Variants in IPO11 observed in about 807,000 individuals in gnomAD.
The protein encoded by IPO11 is importin 11.
IPO11 carries 66 observed loss-of-function variants against 143.2 expected under a neutral mutation model. That is an observed-to-expected ratio of 0.46 (90% CI 0.38 to 0.57). The LOEUF is 0.57. Among genes scored for constraint, IPO11 ranks in the 20% least tolerant of loss-of-function variants. The pLI, the probability that IPO11 is intolerant of heterozygous loss-of-function variation, is 0.00. For missense variants in IPO11, 1,026 were observed against 1,141.0 expected, an observed-to-expected ratio of 0.90 and a Z score of 1.45; for synonymous variants, 385 against 377.8, an observed-to-expected ratio of 1.02 and a Z score of -0.22.
chr5:62,415,529 C>T (rs958549805), intron 1 of IPO11, among the ~76,000 whole-genome samples: 2 of 137,528 alleles, frequency 1.5e-5, no homozygotes, highest in Non-Finnish European at 3.0e-5. Flanking sequence ...AGTGCAGTGG[C>T]GCGATCTCAA....
At chr5:62,558,714 T>C (rs1220905940) in intron 26 of IPO11, among the ~76,000 whole-genome samples, 2 of 152,226 alleles carry the variant, frequency 1.3e-5, no homozygotes, top group African/African-American at 4.8e-5. Context: ...CGGCATTTTT[T>C]CAATACCATT....
chr5:62,606,154 A>C (rs775609375), intron 29 of IPO11, among the ~76,000 whole-genome samples: 3 of 152,024 alleles, frequency 2.0e-5, no homozygotes, highest in Non-Finnish European at 4.4e-5. Flanking sequence ...CAAGCTAATG[A>C]GCAAATCTGT....
At chr5:62,572,975 A>T (rs1744190747) in intron 27 of IPO11, among the ~76,000 whole-genome samples, 1 of 151,432 alleles carries the variant, frequency 6.6e-6, no homozygotes, top group Admixed American at 6.6e-5. Context: ...GTTACGAAAA[A>T]CCTCCTATCG....
chr5:62,555,091 T>G (rs1198080713), intron 26 of IPO11, among the ~76,000 whole-genome samples: 1 of 152,188 alleles, frequency 6.6e-6, no homozygotes, highest in African/African-American at 2.4e-5. Flanking sequence ...TTTGGCTATT[T>G]GGGATTTTTT....
At chr5:62,530,892 T>C in intron 22 of IPO11, 107 bp downstream of exon 22, 1 of 798,070 alleles carries the variant, frequency 1.3e-6, no homozygotes, top group Admixed American at 2.0e-5. Flanking sequence ...GTTCAACTTC[T>C]AGTTTAGATT....
chr5:62,576,663 GT>G (rs1744323625), intron 27 of IPO11, among the ~76,000 whole-genome samples: 5 of 152,062 alleles, frequency 3.3e-5, no homozygotes, highest in African/African-American at 1.2e-4. Context: ...TGCACCTGCA[GT>G]CCTAGCTACT....
chr5:62,615,904 G>GTTA (rs1428133175), intron 29 of IPO11, among the ~76,000 whole-genome samples: 2 of 152,140 alleles, frequency 1.3e-5, no homozygotes, highest in Non-Finnish European at 2.9e-5. Context: ...AATTTTGTTT[G>GTTA]ATTACATGGC....
chr5:62,462,251 A>T (rs954539847), intron 5 of IPO11, among the ~76,000 whole-genome samples: 2 of 151,332 alleles, frequency 1.3e-5, no homozygotes, highest in African/African-American at 4.8e-5. Context: ...ACAGAATAGA[A>T]TTTTTTTTTA....
chr5:62,553,095 C>A (rs994540257), intron 26 of IPO11, among the ~76,000 whole-genome samples: 2 of 152,010 alleles, frequency 1.3e-5, no homozygotes, highest in African/African-American at 4.8e-5. Flanking sequence ...TAACCAATAT[C>A]TCTCTCTCTC....
intron 3 of IPO11, among the ~76,000 whole-genome samples, chr5:62,445,593 A>G (rs945545321): frequency 6.6e-6 from 1 of 152,100 alleles, no homozygotes; most frequent in African/African-American, 2.4e-5. Context: ...TTCACTTTCA[A>G]TACAGTATTT....
At chr5:62,568,112 C>A (rs1696052109) in intron 27 of IPO11, among the ~76,000 whole-genome samples, 1 of 151,626 alleles carries the variant, frequency 6.6e-6, no homozygotes, top group African/African-American at 2.4e-5. Context: ...ACTACAGGTG[C>A]ATACCACCAC....
chr5:62,524,374 T>C (rs1326796587), intron 20 of IPO11, among the ~76,000 whole-genome samples: 1 of 152,184 alleles, frequency 6.6e-6, no homozygotes, highest in East Asian at 1.9e-4. Context: ...TAGCGATTGC[T>C]TACGTTAGTT....
chr5:62,419,427 C>T (rs1224992237), intron 1 of IPO11, among the ~76,000 whole-genome samples: 1 of 152,152 alleles, frequency 6.6e-6, no homozygotes, highest in African/African-American at 2.4e-5. Context: ...TAGCTTAAAA[C>T]ACAAATACAT....
chr5:62,557,435 G>A (rs576170462), intron 26 of IPO11, among the ~76,000 whole-genome samples: 3 of 152,188 alleles, frequency 2.0e-5, no homozygotes, highest in East Asian at 3.9e-4. Flanking sequence ...CACCCGCCTC[G>A]GCCTCCCAAA....
chr5:62,572,614 T>A (rs1744174790), intron 27 of IPO11, among the ~76,000 whole-genome samples: 1 of 151,970 alleles, frequency 6.6e-6, no homozygotes, highest in Non-Finnish European at 1.5e-5. Context: ...AGGGTCTTAC[T>A]CTGGTTGCCC....
chr5:62,560,452 A>T (rs1337469434), intron 26 of IPO11, among the ~76,000 whole-genome samples: 2 of 152,178 alleles, frequency 1.3e-5, no homozygotes, highest in African/African-American at 4.8e-5. Context: ...CACTCACATT[A>T]TCTAGGGCAT....
chr5:62,475,371 A>G (rs1731311992), intron 8 of IPO11, among the ~76,000 whole-genome samples: 1 of 152,078 alleles, frequency 6.6e-6, no homozygotes, highest in Non-Finnish European at 1.5e-5. Flanking sequence ...AAATATTAAA[A>G]AGTTAGCCAG....
intron 23 of IPO11, among the ~76,000 whole-genome samples, 160 bp from the exon 24 acceptor site, chr5:62,537,049 C>CT (rs1338438969): frequency 2.0e-5 from 3 of 151,882 alleles, no homozygotes; most frequent in South Asian, 2.1e-4. Flanking sequence ...TTGGCATAAT[C>CT]TTTTTTAACT....
At chr5:62,539,709 C>A (rs1742863219) in intron 24 of IPO11, among the ~76,000 whole-genome samples, 1 of 152,186 alleles carries the variant, frequency 6.6e-6, no homozygotes. Context: ...AGCTCCAAAG[C>A]TTACAAGTAA....
Sources: allele counts gnomAD v4.1 joint callset (sites outside exome capture counted in the v4.1 genomes callset), GRCh38; gene constraint gnomAD v4.1.1; transcripts MANE v1.5; gene names NCBI Gene and HGNC (gene_info 2026-07-23, HGNC 2026-07-21).